Variants in RANBP10 observed in about 807,000 individuals in gnomAD.
RANBP10 encodes the protein RAN binding protein 10.
A neutral mutation model predicts 72.8 loss-of-function variants in RANBP10; 24 were observed. The observed-to-expected ratio is 0.33, with a 90% confidence interval of 0.24 to 0.46. The LOEUF is 0.46. RANBP10 is among the 20% of genes least tolerant of loss of function. The probability of loss-of-function intolerance (pLI) is 1.00; values close to 1 mark genes in which losing one functional copy is unlikely to be tolerated. For synonymous variants in RANBP10, 310 were observed against 322.3 expected, an observed-to-expected ratio of 0.96 and a Z score of 0.41; for missense variants, 679 against 817.5, an observed-to-expected ratio of 0.83 and a Z score of 2.07.
intron 2 of RANBP10, among the ~76,000 whole-genome samples, chr16:67,801,424 G>A (rs1034227226): frequency 1.3e-5 from 2 of 152,140 alleles, no homozygotes; most frequent in Non-Finnish European, 2.9e-5. Context: ...AGGATCAGGC[G>A]AGGACATCTG....
At chr16:67,798,522 C>A (rs1165192526) in intron 2 of RANBP10, among the ~76,000 whole-genome samples, 1 of 152,156 alleles carries the variant, frequency 6.6e-6, no homozygotes, top group Admixed American at 6.6e-5. Flanking sequence ...GATTCTGGCT[C>A]ACCAGAGGAG....
At chr16:67,749,903 GC>G (rs1190172943) in intron 3 of RANBP10, among the ~76,000 whole-genome samples, 1 of 152,154 alleles carries the variant, frequency 6.6e-6, no homozygotes, top group Admixed American at 6.5e-5. Context: ...CCCCAGGCAT[GC>G]CCACCAGCTT....
At chr16:67,805,624 A>G in intron 1 of RANBP10, 85 bp from the exon 2 acceptor site, 1 of 1,078,966 alleles carries the variant, frequency 9.3e-7, no homozygotes, top group Non-Finnish European at 1.4e-6. Flanking sequence ...CTCCATGACA[A>G]CTCCACTCCT....
In RANBP10 at chr16:67,772,090, CAAAAAAAAA is replaced by C. The variant is rs35741053; in HGVS notation, c.348-13_348-5del. On this transcript the variant is annotated splice_polypyrimidine_tract_variant and splice_region_variant and intron_variant, in intron 2 of 13. Coordinates refer to ENST00000317506, the MANE Select transcript of RANBP10 (RefSeq NM_020850.3). ...CGAGAGTCCTATTCCCATGTAACTT[CAAAAAAAAA>C]AAAAAAAAAAACACAAAATTTTTGG... The C allele has an allele frequency of 3.3e-5, 43 of 1,316,428 alleles. No homozygotes were observed. The highest frequency in any genetic ancestry group is 4.0e-5 in the Non-Finnish European group (41 of 1,023,882). The allele number at this position is 1,316,428 out of a possible 1,614,324, so 81.5% of individuals were successfully genotyped here.
At chr16:67,787,827 T>A (rs560352959) in intron 2 of RANBP10, among the ~76,000 whole-genome samples, 1 of 152,152 alleles carries the variant, frequency 6.6e-6, no homozygotes, top group African/African-American at 2.4e-5. Flanking sequence ...ATAGCGAGAT[T>A]CTGTCTCTAG....
intron 3 of RANBP10, among the ~76,000 whole-genome samples, chr16:67,757,953 T>C (rs530103089): frequency 6.6e-6 from 1 of 152,214 alleles, no homozygotes; most frequent in South Asian, 2.1e-4. Context: ...TAGATGATGA[T>C]ACCAGGGGCT....
chr16:67,802,526 T>C (rs2055255190), intron 2 of RANBP10, among the ~76,000 whole-genome samples: 1 of 152,148 alleles, frequency 6.6e-6, no homozygotes, highest in East Asian at 1.9e-4. Context: ...TAATCCCAGC[T>C]ACTCGGGAGG....
chr16:67,729,378 G>A lies in RANBP10; in HGVS notation c.1254C>T (p.Ser418=), dbSNP rs756994417. Residue 418 remains serine (S), a synonymous_variant, in exon 10 of 14, where the codon TCC becomes TCT. Coordinates refer to ENST00000317506, the MANE Select transcript of RANBP10 (RefSeq NM_020850.3). This position sits in a 1 kb window ranked among gnomAD's most constrained non-coding sequence, Gnocchi z 7.1. The stretch of plus-strand genomic sequence containing the variant: ...TGACGGAGGATGGGGAAGAGGACGA[G>A]GAGGAGGAGGAGGACGAGGATGAGG... ...PSSSSSSSSS[S]SSSSPSSVNY... The A allele has an allele frequency of 6.6e-7, 1 of 1,519,902 alleles. No individual in the cohort carries two copies. The highest frequency in any genetic ancestry group is 9.0e-7 in the Non-Finnish European group (1 of 1,105,620). 94.2% of individuals were successfully genotyped at this position (1,519,902 alleles called of 1,614,324 possible). A position where few individuals can be genotyped will look rare whatever the true frequency, so the allele number is the denominator to read the frequency against.
At chr16:67,763,751 G>C (rs1003173367) in intron 3 of RANBP10, among the ~76,000 whole-genome samples, 1 of 152,188 alleles carries the variant, frequency 6.6e-6, no homozygotes, top group Non-Finnish European at 1.5e-5. Flanking sequence ...CTGGAGTGCA[G>C]TGGCTCCATC....
intron 4 of RANBP10, among the ~76,000 whole-genome samples, chr16:67,741,418 C>A (rs1313701374): frequency 6.6e-6 from 1 of 152,228 alleles, no homozygotes; most frequent in Non-Finnish European, 1.5e-5. Flanking sequence ...ATGGCAAGAT[C>A]TGAGTTGGCC....
intron 2 of RANBP10, among the ~76,000 whole-genome samples, chr16:67,779,682 A>G (rs1041975795): frequency 6.6e-6 from 1 of 152,132 alleles, no homozygotes; most frequent in Non-Finnish European, 1.5e-5. Flanking sequence ...CAGGTGTGAT[A>G]AATTTCTTTT....
intron 3 of RANBP10, among the ~76,000 whole-genome samples, chr16:67,770,076 C>CA (rs1274071299): frequency 6.6e-6 from 1 of 151,564 alleles, no homozygotes; most frequent in Admixed American, 6.6e-5. Flanking sequence ...AAAAACAAAA[C>CA]AAAAAAAAGC....
At chr16:67,726,599 G>A (rs1474322854) in intron 13 of RANBP10, 41 bp from the exon 14 acceptor site, 1 of 1,525,266 alleles carries the variant, frequency 6.6e-7, no homozygotes, top group Admixed American at 2.1e-5. Flanking sequence ...GCCTGCCCAG[G>A]GCTTGGGCCC....
rs2055453229 is a variant in RANBP10, at chr16:67,806,510, T to G, written c.27A>C (p.Gly9=). MAAATADP[G]AGNPQPGDSS... The stretch of plus-strand genomic sequence containing the variant: ...AGTCCCCAGGCTGCGGGTTCCCAGC[T>G]CCCGGGTCTGCCGTCGCTGCCGCCA... The change falls in exon 1 of 14, where the codon GGA becomes GGC. Residue 9 remains glycine (G), a synonymous_variant. Transcript: ENST00000317506. The G allele has an allele frequency of 6.6e-7, 1 of 1,521,798 alleles. No homozygotes were observed. The highest frequency in any genetic ancestry group is 1.4e-5 in the African/African-American group (1 of 71,858). 94.3% of individuals were successfully genotyped at this position (1,521,798 alleles called of 1,614,324 possible). A position where few individuals can be genotyped will look rare whatever the true frequency, so the allele number is the denominator to read the frequency against.
At chr16:67,751,968 CAA>C (rs1473828735) in intron 3 of RANBP10, among the ~76,000 whole-genome samples, 1 of 151,256 alleles carries the variant, frequency 6.6e-6, no homozygotes, top group African/African-American at 2.4e-5. Flanking sequence ...AAACAAAAAC[CAA>C]AGAGCTCAAT....
intron 2 of RANBP10, among the ~76,000 whole-genome samples, chr16:67,787,849 T>A (rs570839200): frequency 1.9e-3 from 293 of 151,070 alleles, no homozygotes; most frequent in South Asian, 5.2e-3. Flanking sequence ...AAAAAAAAAA[T>A]TTTTTTTTGA....
chr16:67,790,358 G>A (rs1048831253), intron 2 of RANBP10, among the ~76,000 whole-genome samples: 2 of 151,768 alleles, frequency 1.3e-5, no homozygotes, highest in Non-Finnish European at 2.9e-5. Context: ...TGATGGAAAA[G>A]TTCTAGAAAT....
chr16:67,728,200 G>A (rs2053647189), intron 11 of RANBP10, among the ~76,000 whole-genome samples, 190 bp downstream of exon 11: 1 of 152,212 alleles, frequency 6.6e-6, no homozygotes, highest in Non-Finnish European at 1.5e-5. Flanking sequence ...TCTTGGCACA[G>A]GCCAGGGCCT....
intron 3 of RANBP10, among the ~76,000 whole-genome samples, chr16:67,764,108 CACTT>C (rs1344792525): frequency 1.3e-5 from 2 of 152,148 alleles, no homozygotes; most frequent in African/African-American, 2.4e-5. Context: ...ATTCAAGAAA[CACTT>C]ACTTCAGAGA....
Sources: allele counts gnomAD v4.1 joint callset (sites outside exome capture counted in the v4.1 genomes callset), GRCh38; gene constraint gnomAD v4.1.1; non-coding constraint Gnocchi (gnomAD v3.1); transcripts MANE v1.5; gene names NCBI Gene and HGNC (gene_info 2026-07-23, HGNC 2026-07-21).